VAT1L: variants seen among roughly 807,000 people sequenced by gnomAD.
VAT1L encodes putative NADPH-dependent quinone oxidoreductase VAT1L.
In VAT1L, 34 loss-of-function variants were observed where a neutral mutation model predicts 44.1. The ratio of observed to expected loss-of-function variants is 0.77; its 90% confidence interval spans 0.59 to 1.03. The LOEUF is 1.03. VAT1L is among the 50% of genes least tolerant of loss of function. VAT1L has a pLI of 0.00. For synonymous variants in VAT1L, 253 were observed against 202.2 expected, an observed-to-expected ratio of 1.25 and a Z score of -2.13; for missense variants, 615 against 538.8, an observed-to-expected ratio of 1.14 and a Z score of -1.40.
intron 7 of VAT1L, among the ~76,000 whole-genome samples, chr16:77,896,901 G>C (rs1432785450): frequency 6.6e-6 from 1 of 152,196 alleles, no homozygotes; most frequent in East Asian, 1.9e-4. Flanking sequence ...CAGGGACAGA[G>C]TCAACTCACA....
intron 3 of VAT1L, among the ~76,000 whole-genome samples, chr16:77,848,710 T>G (rs981951318): frequency 1.3e-5 from 2 of 152,170 alleles, no homozygotes; most frequent in African/African-American, 4.8e-5. Context: ...ATGGTCTGCC[T>G]CTAGAACATG....
intron 7 of VAT1L, among the ~76,000 whole-genome samples, chr16:77,901,969 A>G (rs7191286): frequency 0.015 from 2,322 of 152,332 alleles, 43 homozygotes; most frequent in African/African-American, 0.053. Context: ...TAGAGAAGCT[A>G]TCAGCCAGTT....
intron 3 of VAT1L, among the ~76,000 whole-genome samples, chr16:77,846,479 T>G (rs970144437): frequency 1.3e-5 from 2 of 152,162 alleles, no homozygotes; most frequent in African/African-American, 4.8e-5. Context: ...TGGCAATATC[T>G]TCTAAAGAGA....
chr16:77,934,193 A>G (rs1190510015), intron 7 of VAT1L, among the ~76,000 whole-genome samples: 2 of 152,086 alleles, frequency 1.3e-5, no homozygotes, highest in Non-Finnish European at 2.9e-5. Flanking sequence ...AACCAACCAG[A>G]TTTATTGGCA....
chr16:77,930,695 A>G (rs2017721722), intron 7 of VAT1L, among the ~76,000 whole-genome samples: 12 of 152,148 alleles, frequency 7.9e-5, no homozygotes, highest in Admixed American at 7.9e-4. Flanking sequence ...CACTGTTAAG[A>G]AAACCTTCAG....
At chr16:77,880,649 T>A (rs1275661234) in intron 6 of VAT1L, among the ~76,000 whole-genome samples, 1 of 135,508 alleles carries the variant, frequency 7.4e-6, no homozygotes, top group African/African-American at 2.8e-5. Context: ...GAGGTACCTG[T>A]GCAGGTTTTT....
At chr16:77,806,014 C>A (rs1219626749) in intron 1 of VAT1L, among the ~76,000 whole-genome samples, 1 of 151,458 alleles carries the variant, frequency 6.6e-6, no homozygotes, top group East Asian at 1.9e-4. Context: ...AGGCGCCTGC[C>A]ACCATGCCCA....
intron 7 of VAT1L, among the ~76,000 whole-genome samples, chr16:77,954,779 G>C (rs61331967): frequency 0.088 from 13,371 of 152,172 alleles, 675 homozygotes; most frequent in African/African-American, 0.13. Flanking sequence ...AAGCACTTTT[G>C]AATTAAAAGG....
intron 8 of VAT1L, among the ~76,000 whole-genome samples, chr16:77,974,462 G>A (rs2018313998): frequency 6.6e-6 from 1 of 152,198 alleles, no homozygotes; most frequent in African/African-American, 2.4e-5. Flanking sequence ...TACCAAGGGA[G>A]GATTCTTACT....
intron 4 of VAT1L, among the ~76,000 whole-genome samples, chr16:77,866,573 T>A (rs901144970): frequency 2.7e-5 from 4 of 149,092 alleles, no homozygotes; most frequent in African/African-American, 1.0e-4. Context: ...TATTTTTTGA[T>A]CACAGATATT....
intron 4 of VAT1L, among the ~76,000 whole-genome samples, chr16:77,868,391 A>C (rs948560786): frequency 2.6e-5 from 4 of 152,344 alleles, no homozygotes; most frequent in African/African-American, 9.6e-5. Flanking sequence ...CCCATGCAAG[A>C]CAATGGGGTT....
intron 7 of VAT1L, among the ~76,000 whole-genome samples, chr16:77,914,436 G>A (rs187755545): frequency 2.6e-5 from 4 of 152,152 alleles, no homozygotes; most frequent in African/African-American, 9.7e-5. Flanking sequence ...GCCATGGTGT[G>A]AGCATTCACA....
intron 4 of VAT1L, among the ~76,000 whole-genome samples, chr16:77,875,120 G>C (rs778411447): frequency 3.9e-5 from 6 of 152,214 alleles, no homozygotes; most frequent in Non-Finnish European, 8.8e-5. Context: ...GGACACCCCT[G>C]TGCAGATAAG....
chr16:77,790,808 T>C (rs528923575), intron 1 of VAT1L, among the ~76,000 whole-genome samples: 40 of 152,330 alleles, frequency 2.6e-4, no homozygotes, highest in Non-Finnish European at 4.3e-4. Flanking sequence ...CACATAGTTC[T>C]GTGTTTTCCA....
At chr16:77,937,421 A>C (rs572451371) in intron 7 of VAT1L, among the ~76,000 whole-genome samples, 1 of 152,310 alleles carries the variant, frequency 6.6e-6, no homozygotes, top group East Asian at 1.9e-4. Context: ...TTGGCACCAA[A>C]TGTAAGAATT....
chr16:77,959,956 A>G (rs1315386577), intron 7 of VAT1L, among the ~76,000 whole-genome samples: 1 of 151,934 alleles, frequency 6.6e-6, no homozygotes, highest in Non-Finnish European at 1.5e-5. Context: ...CTCCTGTCAC[A>G]TTCCACTTCC....
intron 1 of VAT1L, among the ~76,000 whole-genome samples, chr16:77,811,966 A>G (rs1361739332): frequency 6.6e-6 from 1 of 152,136 alleles, no homozygotes. Context: ...AGAGCTGGGG[A>G]AGGCTTCAGA....
chr16:77,848,428 C>A (rs1017442274), intron 3 of VAT1L, among the ~76,000 whole-genome samples: 2 of 152,142 alleles, frequency 1.3e-5, no homozygotes, highest in Non-Finnish European at 2.9e-5. Flanking sequence ...CTTGGCCCCC[C>A]ATGTGGGATT....
At chr16:77,875,167 G>A (rs188723902) in intron 4 of VAT1L, among the ~76,000 whole-genome samples, 3 of 152,288 alleles carry the variant, frequency 2.0e-5, no homozygotes, top group African/African-American at 2.4e-5. Context: ...GATCATTTTG[G>A]ATGAGCCTTG....
Sources: gnomAD v4.1 joint callset for allele counts (sites outside exome capture counted in the v4.1 genomes callset) on GRCh38, gnomAD v4.1.1 for gene constraint, MANE v1.5 for transcripts, NCBI Gene and HGNC (gene_info 2026-07-23, HGNC 2026-07-21) for gene names.